PRKN: variants seen among roughly 807,000 people sequenced by gnomAD.
PRKN encodes E3 ubiquitin-protein ligase parkin.
Under a neutral mutation model 59.5 loss-of-function variants are expected in PRKN, and 56 were observed. That is an observed-to-expected ratio of 0.94 (90% confidence interval 0.76 to 1.18). The LOEUF is 1.18. Among genes scored for constraint, PRKN ranks in the 50% most tolerant of loss-of-function variants. The pLI is 0.00. For synonymous variants in PRKN, 250 were observed against 222.1 expected (o/e 1.13, Z -1.12); for missense variants, 657 against 596.4 (o/e 1.10, Z -1.06).
intron 6 of PRKN, among the ~76,000 whole-genome samples, chr6:161,874,335 A>G (rs1281915695): frequency 3.6e-5 from 3 of 83,674 alleles, no homozygotes; most frequent in Non-Finnish European, 6.0e-5. Context: ...ATTACATGTA[A>G]AATATTATAT....
At chr6:161,831,182 C>G (rs1303310599) in intron 6 of PRKN, among the ~76,000 whole-genome samples, 1 of 152,350 alleles carries the variant, frequency 6.6e-6, no homozygotes, top group South Asian at 2.1e-4. Context: ...ATGCAAACAA[C>G]TGGAGAAACA....
intron 6 of PRKN, among the ~76,000 whole-genome samples, chr6:161,849,680 C>T (rs1415775800): frequency 2.0e-5 from 3 of 152,138 alleles, no homozygotes; most frequent in Admixed American, 6.5e-5. Flanking sequence ...ACTCTTCAGT[C>T]GTCTGCTGTA....
intron 1 of PRKN, among the ~76,000 whole-genome samples, chr6:162,570,684 T>C (rs959978289): frequency 6.6e-6 from 1 of 152,156 alleles, no homozygotes; most frequent in Non-Finnish European, 1.5e-5. Context: ...TGGATAGAAT[T>C]GGAAACTATT....
intron 1 of PRKN, among the ~76,000 whole-genome samples, chr6:162,595,540 G>A (rs963682685): frequency 5.3e-5 from 8 of 152,132 alleles, no homozygotes; most frequent in Non-Finnish European, 8.8e-5. Flanking sequence ...ACAGGCGTGA[G>A]CCACTGCGCC....
chr6:162,533,035 T>C (rs900634379), intron 1 of PRKN, among the ~76,000 whole-genome samples: 1 of 152,206 alleles, frequency 6.6e-6, no homozygotes, highest in African/African-American at 2.4e-5. Context: ...TCGGCTGTAC[T>C]GACGTGCTTC....
At position 161,515,749 on chromosome 6, in the gene PRKN, G is replaced by T. The variant is rs147720398; in HGVS notation, c.1083+33105C>A. On this transcript the variant is annotated intron_variant, in intron 9 of 11. Coordinates refer to ENST00000366898, the MANE Select transcript of PRKN (RefSeq NM_004562.3). The stretch of plus-strand genomic sequence containing the variant: ...TCTGATGGCATCCACTTTCCAGTGG[G>T]TTAGCTTTCACCTCGACAGGTCTCA... Among the ~76,000 whole-genome samples the T allele has an allele frequency of 6.3e-3, 963 of 152,236 alleles. 15 individuals are homozygous for T. The highest frequency in any genetic ancestry group is 0.022 in the African/African-American group (926 of 41,520).
intron 3 of PRKN, among the ~76,000 whole-genome samples, chr6:162,226,620 G>A (rs977953864): frequency 2.6e-5 from 4 of 152,248 alleles, no homozygotes; most frequent in South Asian, 2.1e-4. Context: ...TGCAATCTCC[G>A]CCTCCTGGGT....
chr6:161,605,560 G>A (rs1331635968), intron 7 of PRKN, among the ~76,000 whole-genome samples: 3 of 149,824 alleles, frequency 2.0e-5, no homozygotes, highest in Non-Finnish European at 3.0e-5. Context: ...CACCCAGGAT[G>A]GAGTGCAGTG....
At chr6:162,568,440 T>C in intron 1 of PRKN, 1 of 608,002 alleles carries the variant, frequency 1.6e-6, no homozygotes, top group Middle Eastern at 4.0e-4. Context: ...AGCAGCAGCT[T>C]CCGGGGGTGG....
intron 6 of PRKN, among the ~76,000 whole-genome samples, chr6:161,876,038 AT>A (rs1369785280): frequency 6.6e-6 from 1 of 152,120 alleles, no homozygotes; most frequent in African/African-American, 2.4e-5. Flanking sequence ...ATCTTCAGCC[AT>A]TGCTTTTCCT....
intron 4 of PRKN, among the ~76,000 whole-genome samples, chr6:162,188,607 G>A (rs76253100): frequency 0.024 from 3,580 of 152,138 alleles, 140 homozygotes; most frequent in African/African-American, 0.081. Flanking sequence ...TACCTTTCGT[G>A]GCTCCAACGC....
chr6:161,717,258 A>AT (rs1787024158), intron 7 of PRKN, among the ~76,000 whole-genome samples: 1 of 152,220 alleles, frequency 6.6e-6, no homozygotes, highest in Non-Finnish European at 1.5e-5. Context: ...GTACCAGCCC[A>AT]TGATGGAATG....
chr6:162,103,277 G>A (rs1018435387), intron 4 of PRKN, among the ~76,000 whole-genome samples: 4 of 151,832 alleles, frequency 2.6e-5, no homozygotes, highest in African/African-American at 9.7e-5. Flanking sequence ...AGAAAATGAG[G>A]ATGAAATTCC....
intron 1 of PRKN, among the ~76,000 whole-genome samples, chr6:162,561,556 T>C (rs1179021415): frequency 1.3e-5 from 2 of 152,014 alleles, no homozygotes; most frequent in Non-Finnish European, 2.9e-5. Context: ...GGCACTGAAG[T>C]GATTTAAAAA....
rs1451365522 is a variant in PRKN at position 161,669,333 on chromosome 6, C to T, written c.872-99917G>A. On this transcript the variant is annotated intron_variant, in intron 7 of 11. Coordinates refer to ENST00000366898, the MANE Select transcript of PRKN (RefSeq NM_004562.3). ...CAAGACACCATCTTCACAGTGACCG[C>T]CTCCAGCTACTTTAATCATGGGACA... Among the ~76,000 whole-genome samples the T allele has an allele frequency of 2.0e-5, 3 of 152,144 alleles. No homozygotes were observed. The East Asian group carries it at 5.8e-4, about 29-fold the overall frequency.
intron 1 of PRKN, among the ~76,000 whole-genome samples, chr6:162,491,446 G>A (rs753778837): frequency 2.6e-5 from 4 of 152,196 alleles, no homozygotes; most frequent in Admixed American, 6.5e-5. Context: ...CCAGGTGTGC[G>A]TGACGACGTC....
At chr6:161,930,676 T>C (rs1473042393) in intron 6 of PRKN, among the ~76,000 whole-genome samples, 4 of 152,232 alleles carry the variant, frequency 2.6e-5, no homozygotes, top group Non-Finnish European at 5.9e-5. Flanking sequence ...CAAATAGGAA[T>C]ATGTTACTTT....
At chr6:161,972,355 C>G (rs1006482268) in intron 6 of PRKN, among the ~76,000 whole-genome samples, 12 of 151,710 alleles carry the variant, frequency 7.9e-5, no homozygotes, top group Admixed American at 2.6e-4. Flanking sequence ...TAGCCAACTT[C>G]AAAGAACATG....
At chr6:162,392,889 T>C (rs981277669) in intron 2 of PRKN, among the ~76,000 whole-genome samples, 6 of 152,184 alleles carry the variant, frequency 3.9e-5, no homozygotes, top group Non-Finnish European at 7.3e-5. Context: ...CCAACATGGA[T>C]GTTTGGCTTC....
Sources: allele counts gnomAD v4.1 joint callset (sites outside exome capture counted in the v4.1 genomes callset), GRCh38; gene constraint gnomAD v4.1.1; transcripts MANE v1.5; gene names NCBI Gene and HGNC (gene_info 2026-07-23, HGNC 2026-07-21).